The following LAP3 variants were observed in gnomAD, a reference collection of about 807,000 sequenced individuals.
LAP3 encodes cytosol aminopeptidase.
A neutral mutation model predicts 58.8 loss-of-function variants in LAP3; 46 were observed. The observed-to-expected ratio is 0.78, with a 90% CI of 0.62 to 1.00. The LOEUF (loss-of-function observed/expected upper bound fraction) is 1.00. Ranked by LOEUF, LAP3 falls within the 50% of genes least tolerant of loss-of-function variation. The pLI, the probability that LAP3 is intolerant of heterozygous loss-of-function variation, is 0.00. For missense variants in LAP3, 615 were observed against 659.1 expected (o/e 0.93, Z 0.73); for synonymous variants, 257 against 237.7 (o/e 1.08, Z -0.75).
intron 5 of LAP3, 69 bp from the exon 6 acceptor site, chr4:17,584,903 C>G: frequency 1.4e-6 from 2 of 1,471,108 alleles, no homozygotes; most frequent in Non-Finnish European, 9.4e-7. Flanking sequence ...GTAAGAGTGT[C>G]TCTTAGTTGG....
intron 6 of LAP3, among the ~76,000 whole-genome samples, chr4:17,587,224 A>C (rs562884153): frequency 2.0e-5 from 3 of 152,340 alleles, no homozygotes; most frequent in African/African-American, 7.2e-5. Context: ...GCAAAGGGAA[A>C]AGAGTTCAGC....
Position 17,607,692 on chromosome 4 carries a change from G to A in LAP3, c.*103G>A. ...AAATCTTTTAACGGAGACAAAGGAT[G>A]GTATTTAAAAATGTAGAACACAATG... On this transcript the variant is annotated 3_prime_UTR_variant, in exon 13 of 13. Coordinates refer to ENST00000226299, the MANE Select transcript of LAP3 (RefSeq NM_015907.3). 9.2e-6 allele frequency: 8 copies of A among 871,950 alleles called. No individual in the cohort carries two copies. The highest frequency in any genetic ancestry group is 3.3e-5 in the Admixed American group (1 of 30,118). 54.0% of individuals were successfully genotyped at this position (871,950 alleles called of 1,614,324 possible).
In LAP3 at chr4:17,598,559, G is replaced by C. The variant is rs1320738495; in HGVS notation, c.1180+1G>C. On this transcript the variant is annotated splice_donor_variant, in intron 10 of 12. Coordinates refer to ENST00000226299, the MANE Select transcript of LAP3 (RefSeq NM_015907.3). LOFTEE classifies it high-confidence loss of function. ...ATCCTCAATGCCGCCACCTTAACAG[G>C]TCAGACCGCGCACTTGCCTTGATTT... 2 of 1,604,504 alleles carry C rather than the reference G, an allele frequency of 1.2e-6. No homozygotes were observed. The highest frequency in any genetic ancestry group is 2.2e-5 in the East Asian group (1 of 44,856).
Position 17,589,056 on chromosome 4 carries a change from T to C in LAP3, c.863+79T>C, listed in dbSNP as rs879233689. On this transcript the variant is annotated intron_variant, in intron 7 of 12. Coordinates refer to ENST00000226299, the MANE Select transcript of LAP3 (RefSeq NM_015907.3). ...TTAATTACTTGGTTATAGGGTTTTT[T>C]GGTTTGATTTTTTTTTTTTTTTGAG... The C allele has an allele frequency of 3.1e-4, 442 of 1,422,776 alleles. 6 individuals are homozygous for C. The South Asian group carries it at 4.8e-3, about 16-fold the overall frequency. The allele number at this position is 1,422,776 out of a possible 1,614,324, so 88.1% of individuals were successfully genotyped here. A position where few individuals can be genotyped will look rare whatever the true frequency, so the allele number is the denominator to read the frequency against.
chr4:17,601,456 C>G (rs537225815), intron 10 of LAP3, among the ~76,000 whole-genome samples: 1 of 152,194 alleles, frequency 6.6e-6, no homozygotes, highest in East Asian at 1.9e-4. Flanking sequence ...TTTTCTATGA[C>G]AAATTTTAAA....
intron 9 of LAP3, among the ~76,000 whole-genome samples, chr4:17,597,813 T>G (rs1228708725): frequency 1.3e-5 from 2 of 152,180 alleles, no homozygotes; most frequent in Admixed American, 6.5e-5. Flanking sequence ...CATACTGTCC[T>G]ACATCATGGG....
At position 17,595,439 on chromosome 4, in the gene LAP3, A is replaced by G. The variant is rs1713805968; in HGVS notation, c.893A>G (p.Asn298Ser). Residue 298 changes from asparagine (N) to serine (S), a missense_variant, in exon 8 of 13, where the codon AAT becomes AGT. By Grantham distance (46) the Asn-to-Ser change is conservative (BLOSUM62 1). Coordinates refer to ENST00000226299, the MANE Select transcript of LAP3 (RefSeq NM_015907.3). ...GGTATCTCCATCAAGGCTTCTGCAA[A>G]TATGGACCTCATGAGGGCTGACATG... ...SGGISIKASA[N>S]MDLMRADMGG... 1.2e-6 allele frequency: 2 copies of G among 1,613,960 alleles called. No individual in the cohort carries two copies. Among genetic ancestry groups the G allele is most frequent in the Middle Eastern group, 3.3e-4 (2 of 6,062 alleles).
At chr4:17,588,221 G>T (rs1197770403) in intron 6 of LAP3, among the ~76,000 whole-genome samples, 1 of 151,016 alleles carries the variant, frequency 6.6e-6, no homozygotes, top group East Asian at 1.9e-4. Flanking sequence ...TTTCTGTAGA[G>T]ACCAAGTCTC....
intron 5 of LAP3, 177 bp from the exon 6 acceptor site, chr4:17,584,795 T>C (rs767656237): frequency 1.8e-6 from 1 of 561,618 alleles, no homozygotes; most frequent in Non-Finnish European, 3.1e-6. Context: ...TTCTGCACCA[T>C]ACCATCTGCT....
intron 3 of LAP3, chr4:17,582,024 G>A (rs1713377630): frequency 1.7e-6 from 1 of 594,050 alleles, no homozygotes; most frequent in Non-Finnish European, 3.0e-6. Flanking sequence ...TCTTTATCCG[G>A]TTGTGGCTCT....
Position 17,579,892 on chromosome 4 carries a change from G to A in LAP3, c.171G>A (p.Glu57=), listed in dbSNP as rs757689970. ...DDVPQFTSAG[E]NFDKLLAGKL... ...TGCCACAGTTCACAAGTGCAGGAGA[G>A]AATTTTGATAAATTGTTAGCTGGAA... Residue 57 remains glutamate (E), a synonymous_variant, in exon 2 of 13, where the codon GAG becomes GAA. Transcript: ENST00000226299. 6.2e-7 allele frequency: 1 copy of A among 1,612,386 alleles called. No homozygotes were observed. The highest frequency in any genetic ancestry group is 1.7e-5 in the Admixed American group (1 of 59,818).
chr4:17,600,056 T>C (rs1252211797), intron 10 of LAP3, among the ~76,000 whole-genome samples: 1 of 152,232 alleles, frequency 6.6e-6, no homozygotes, highest in African/African-American at 2.4e-5. Flanking sequence ...TGTTGTCTTA[T>C]TGCCAAATCC....
At chr4:17,580,185 T>TATACACATATATATA in intron 2 of LAP3, among the ~76,000 whole-genome samples, 1 of 32,076 alleles carries the variant, frequency 3.1e-5, no homozygotes, top group African/African-American at 1.8e-4. Flanking sequence ...TATATATGTA[T>TATACACATATATATA]TTTTTTTTTT....
chr4:17,589,640 T>A (rs1560344509), intron 7 of LAP3, among the ~76,000 whole-genome samples: 1 of 151,792 alleles, frequency 6.6e-6, no homozygotes, highest in South Asian at 2.1e-4. Flanking sequence ...TTAAAAAAAA[T>A]ATAGAGATGA....
In LAP3 at chr4:17,588,892, G is replaced by C. The variant is rs552349217; in HGVS notation, c.778G>C (p.Val260Leu). ...GGCCAAAGGATCTGACGAGCCCCCA[G>C]TCTTCTTGGAAATTCACTACAAAGG... ...SVAKGSDEPP[V>L]FLEIHYKGSP... The change falls in exon 7 of 13, where the codon GTC (valine) becomes CTC (leucine). Residue 260 changes from valine (V) to leucine (L), a missense_variant. Transcript: ENST00000226299. 3.7e-6 allele frequency: 6 copies of C among 1,614,108 alleles called. 1 individual carries two copies. In the Admixed American group the frequency reaches 1.0e-4, roughly 27 times the overall value.
At chr4:17,590,276 CG>C (rs1560344686) in intron 7 of LAP3, among the ~76,000 whole-genome samples, 1 of 152,134 alleles carries the variant, frequency 6.6e-6, no homozygotes, top group Non-Finnish European at 1.5e-5. Context: ...GAGAACCATA[CG>C]ATGTTGATGT....
chr4:17,598,901 G>A (rs938391828), intron 10 of LAP3, among the ~76,000 whole-genome samples: 26 of 151,666 alleles, frequency 1.7e-4, no homozygotes, highest in African/African-American at 5.3e-4. Context: ...CAGTCCTGGC[G>A]AATTTTTGTA....
intron 3 of LAP3, 34 bp downstream of exon 3, chr4:17,581,848 C>T (rs1225475961): frequency 2.0e-6 from 3 of 1,534,952 alleles, no homozygotes; most frequent in African/African-American, 1.4e-5. Flanking sequence ...GGTAAACCCT[C>T]AATGAGCATC....
intron 8 of LAP3, among the ~76,000 whole-genome samples, chr4:17,595,965 G>A (rs1216662890): frequency 6.6e-6 from 1 of 152,020 alleles, no homozygotes; most frequent in African/African-American, 2.4e-5. Context: ...TCTTAGTAAT[G>A]GAAGATACAA....
Sources: allele counts gnomAD v4.1 joint callset (sites outside exome capture counted in the v4.1 genomes callset), GRCh38; gene constraint gnomAD v4.1.1; transcripts MANE v1.5; gene names NCBI Gene and HGNC (gene_info 2026-07-23, HGNC 2026-07-21).